GALNT13: variants seen among roughly 807,000 people sequenced by gnomAD.
GALNT13 encodes UDP-GalNAc:polypeptide N-acetylgalactosaminyltransferase 13.
In GALNT13, 28 loss-of-function variants were observed where a neutral mutation model predicts 64.2. The observed-to-expected ratio is 0.44, with a 90% CI of 0.32 to 0.60. The LOEUF (loss-of-function observed/expected upper bound fraction) is 0.60. Ranked by LOEUF, GALNT13 falls within the 20% of genes least tolerant of loss-of-function variation. GALNT13 has a pLI of 0.05. For missense variants in GALNT13, 577 were observed against 669.8 expected (o/e 0.86, Z 1.53); for synonymous variants, 214 against 224.6 (o/e 0.95, Z 0.42).
chr2:153,605,697 G>A, the GALNT13 span, among the ~76,000 whole-genome samples: 3 of 152,112 alleles, frequency 2.0e-5, no homozygotes, highest in African/African-American at 7.2e-5. Context: ...TTCTACTGCT[G>A]TATAAAAATA....
chr2:153,725,009 A>G, the GALNT13 span, among the ~76,000 whole-genome samples: 1 of 151,484 alleles, frequency 6.6e-6, no homozygotes, highest in Non-Finnish European at 1.5e-5. Flanking sequence ...ATGCACACGT[A>G]TGTTTATTGC....
intron 2 of GALNT13, among the ~76,000 whole-genome samples, chr2:153,929,671 A>T (rs1278081166): frequency 6.6e-6 from 1 of 152,120 alleles, no homozygotes; most frequent in Non-Finnish European, 1.5e-5. Context: ...GCTGCAAAAG[A>T]CACGGTTTCA....
rs1355974542 is a variant in GALNT13, at chr2:154,450,476, G to T, written c.1596G>T (p.Met532Ile). Residue 532 changes from methionine to isoleucine, a missense_variant, in exon 13 of 13, where the codon ATG (methionine) becomes ATT (isoleucine). Met to Ile is a conservative substitution (Grantham distance 10). Coordinates refer to ENST00000392825, the MANE Select transcript of GALNT13 (RefSeq NM_052917.4). ...ATGAACCTTCTGAAGAAGACAAAAT[G>T]GTGCCTACAATGCAGGACTGTAGTG... Reference protein sequence around the residue: ...CLDEPSEEDKMVPTMQDCSGS... With the variant: ...CLDEPSEEDKIVPTMQDCSGS... 6.2e-7 allele frequency: 1 copy of T among 1,612,510 alleles called. No individual in the cohort carries two copies. The highest frequency in any genetic ancestry group is 8.5e-7 in the Non-Finnish European group (1 of 1,179,054).
intron 4 of GALNT13, among the ~76,000 whole-genome samples, chr2:154,223,274 A>G (rs937129779): frequency 2.6e-5 from 4 of 152,076 alleles, no homozygotes; most frequent in Admixed American, 2.6e-4. Context: ...ATAAACACAC[A>G]CCATGTTTCA....
the GALNT13 span, among the ~76,000 whole-genome samples, chr2:153,442,173 T>C: frequency 1.3e-5 from 2 of 152,218 alleles, no homozygotes; most frequent in Admixed American, 6.5e-5. Context: ...TTGAATTTTA[T>C]TGAAGGCCTT....
chr2:154,438,605 C>G lies in GALNT13; in HGVS notation c.1409C>G (p.Thr470Ser). 1.2e-6 allele frequency: 2 copies of G among 1,610,912 alleles called. No individual in the cohort carries two copies. Among genetic ancestry groups the G allele is most frequent in the South Asian group, 1.1e-5 (1 of 90,732 alleles). Residue 470 changes from threonine to serine, a missense_variant, in exon 12 of 13, where the codon ACT (threonine) becomes AGT (serine). Around this residue, in one of 3 missense-constraint regions of GALNT13, gnomAD observed 232 missense variants for 270.6 expected, o/e 0.86. Transcript: ENST00000392825. ...TTATATTTTCAGGTATTTTCTTACA[C>G]TGCTGACAAAGAAATCCGAACCGAT... ...GMGGNQVFSY[T>S]ADKEIRTDDL...
intron 8 of GALNT13, among the ~76,000 whole-genome samples, chr2:154,280,946 A>G (rs1258679280): frequency 2.6e-5 from 4 of 152,190 alleles, no homozygotes; most frequent in Admixed American, 1.3e-4. Flanking sequence ...TTCACAGTTG[A>G]GAGTAATTGA....
At chr2:154,065,940 A>G in intron 3 of GALNT13, among the ~76,000 whole-genome samples, 1 of 151,622 alleles carries the variant, frequency 6.6e-6, no homozygotes, top group Middle Eastern at 3.2e-3. Flanking sequence ...TCAGACAGAG[A>G]ATTTAAAAGA....
intron 9 of GALNT13, among the ~76,000 whole-genome samples, chr2:154,354,159 A>T (rs748128927): frequency 9.2e-5 from 14 of 152,178 alleles, no homozygotes; most frequent in Non-Finnish European, 1.9e-4. Context: ...CCTGATGATT[A>T]AACATACATT....
chr2:153,676,668 C>A, the GALNT13 span, among the ~76,000 whole-genome samples: 1 of 151,994 alleles, frequency 6.6e-6, no homozygotes, highest in African/African-American at 2.4e-5. Context: ...CCACTATGAT[C>A]ATAGTGGATA....
At chr2:154,417,513 A>ATTTTTTTTTTTTTT (rs1387223429) in intron 11 of GALNT13, among the ~76,000 whole-genome samples, 1 of 130,282 alleles carries the variant, frequency 7.7e-6, no homozygotes, top group African/African-American at 3.3e-5. Flanking sequence ...TTATTTATTT[A>ATTTTTTTTTTTTTT]TTTATTTATT....
chr2:154,119,924 ATATT>A (rs768708542), intron 3 of GALNT13, among the ~76,000 whole-genome samples: 1 of 152,126 alleles, frequency 6.6e-6, no homozygotes, highest in Non-Finnish European at 1.5e-5. Context: ...CATTTCAATG[ATATT>A]TATTTCTTTT....
intron 8 of GALNT13, among the ~76,000 whole-genome samples, chr2:154,297,047 G>A (rs1277089298): frequency 6.6e-6 from 1 of 152,222 alleles, no homozygotes; most frequent in Non-Finnish European, 1.5e-5. Flanking sequence ...ATTCTAGAAT[G>A]TGGCAGAAGG....
At chr2:154,293,873 A>G (rs776263539) in intron 8 of GALNT13, among the ~76,000 whole-genome samples, 2 of 152,208 alleles carry the variant, frequency 1.3e-5, no homozygotes, top group Non-Finnish European at 2.9e-5. Flanking sequence ...TGGAGTCTAA[A>G]TATATGACAT....
intron 3 of GALNT13, among the ~76,000 whole-genome samples, chr2:153,990,567 A>T (rs2105187282): frequency 6.6e-6 from 1 of 152,284 alleles, no homozygotes; most frequent in African/African-American, 2.4e-5. Flanking sequence ...GTTACAAGGG[A>T]ATTACGCTCT....
At chr2:153,719,741 C>A in the GALNT13 span, among the ~76,000 whole-genome samples, 14 of 151,776 alleles carry the variant, frequency 9.2e-5, no homozygotes, top group African/African-American at 3.4e-4. Context: ...CCGAATATTG[C>A]GCTTTTCAGA....
intron 12 of GALNT13, among the ~76,000 whole-genome samples, chr2:154,444,393 A>T (rs1442438881): frequency 6.6e-6 from 1 of 152,076 alleles, no homozygotes; most frequent in Admixed American, 6.6e-5. Context: ...CATAAATAAA[A>T]ATCATTTTAT....
At chr2:154,363,285 C>T (rs2105290748) in intron 9 of GALNT13, among the ~76,000 whole-genome samples, 1 of 152,310 alleles carries the variant, frequency 6.6e-6, no homozygotes, top group East Asian at 1.9e-4. Context: ...CTTAGATATT[C>T]TCAAGCCTTG....
chr2:154,151,837 A>G (rs1295326203), intron 4 of GALNT13, among the ~76,000 whole-genome samples: 3 of 151,970 alleles, frequency 2.0e-5, no homozygotes, highest in Non-Finnish European at 2.9e-5. Context: ...TGCATGTGAG[A>G]TGGGTTTCCT....
Sources: gnomAD v4.1 joint callset for allele counts (sites outside exome capture counted in the v4.1 genomes callset) on GRCh38, gnomAD v4.1.1 for gene constraint, gnomAD v4.1.1 regional missense constraint, MANE v1.5 for transcripts, NCBI Gene and HGNC (gene_info 2026-07-23, HGNC 2026-07-21) for gene names.